The following MIDEAS variants were observed in gnomAD, a reference collection of about 807,000 sequenced individuals.
MIDEAS encodes the protein mitotic deacetylase associated SANT domain protein, also known as mitotic deacetylase-associated SANT domain protein.
A neutral mutation model predicts 102.7 loss-of-function variants in MIDEAS; 26 were observed. The observed-to-expected ratio is 0.25, with a 90% confidence interval of 0.19 to 0.35. MIDEAS has a LOEUF of 0.35. Among genes scored for constraint, MIDEAS ranks in the 10% least tolerant of loss-of-function variants. The probability of loss-of-function intolerance (pLI) is 1.00; values close to 1 mark genes in which losing one functional copy is unlikely to be tolerated. For missense variants in MIDEAS, 1,231 were observed against 1,435.6 expected, an observed-to-expected ratio of 0.86 and a Z score of 2.30; for synonymous variants, 585 against 591.0, an observed-to-expected ratio of 0.99 and a Z score of 0.15.
chr14:73,747,718 A>T (rs555608596), intron 1 of MIDEAS, among the ~76,000 whole-genome samples: 1 of 151,806 alleles, frequency 6.6e-6, no homozygotes, highest in Non-Finnish European at 1.5e-5. Flanking sequence ...GAAGAGCACG[A>T]TGGGGAATCT....
chr14:73,753,504 T>C (rs2140145051), intron 1 of MIDEAS, among the ~76,000 whole-genome samples: 1 of 152,326 alleles, frequency 6.6e-6, no homozygotes, highest in Middle Eastern at 3.4e-3. Flanking sequence ...TCAGTTATTG[T>C]GGGATTCAAT....
At chr14:73,779,376 CAG>C (rs2053724342) in intron 1 of MIDEAS, among the ~76,000 whole-genome samples, 1 of 119,748 alleles carries the variant, frequency 8.4e-6, no homozygotes, top group Non-Finnish European at 1.7e-5. Context: ...GCCTGGACGA[CAG>C]AGCACGATTC....
intron 3 of MIDEAS, 75 bp from the exon 4 acceptor site, chr14:73,730,060 C>A (rs1422660541): frequency 2.1e-6 from 3 of 1,445,876 alleles, no homozygotes; most frequent in Non-Finnish European, 2.9e-6. Flanking sequence ...CCACAGCTTG[C>A]CAGTCTCACC....
rs1292200256 is a variant in MIDEAS, at chr14:73,759,087, G to C, written c.-248+676C>G. Among the ~76,000 whole-genome samples the C allele has an allele frequency of 1.3e-5, 2 of 151,922 alleles. No homozygotes were observed. Among genetic ancestry groups the C allele is most frequent in the Non-Finnish European group, 2.9e-5 (2 of 67,936 alleles). On this transcript the variant is annotated intron_variant, in intron 1 of 12. Transcript: ENST00000423556. The surrounding 1 kb of genome is among the most constrained non-coding windows in gnomAD (Gnocchi z 6.7). The stretch of plus-strand genomic sequence containing the variant: ...GCGGCGCGGGCGTGCGGGGGCGCGC[G>C]GGAGGATGACAGGTCTGAGGTGCGC...
intron 10 of MIDEAS, among the ~76,000 whole-genome samples, chr14:73,721,809 A>T (rs2052999414): frequency 6.6e-6 from 1 of 152,158 alleles, no homozygotes; most frequent in Non-Finnish European, 1.5e-5. Context: ...ATCCTCGGCA[A>T]TGATGTGGTG....
At chr14:73,758,460 A>T (rs898833474) in intron 1 of MIDEAS, among the ~76,000 whole-genome samples, 4 of 152,204 alleles carry the variant, frequency 2.6e-5, no homozygotes, top group Non-Finnish European at 5.9e-5. Context: ...AGGAACAAGA[A>T]GATCCCAGAT....
chr14:73,744,743 C>A (rs75025690), intron 1 of MIDEAS, among the ~76,000 whole-genome samples: 3,208 of 152,272 alleles, frequency 0.021, 43 homozygotes, highest in African/African-American at 0.041. Context: ...GTGTTCTTCT[C>A]GCTTTGCTTC....
intron 3 of MIDEAS, chr14:73,730,222 A>G: frequency 1.4e-6 from 1 of 695,972 alleles, no homozygotes; most frequent in South Asian, 1.5e-5. Flanking sequence ...TTTGTGGGCC[A>G]CATGTGATCT....
At chr14:73,765,134 T>C (rs2053583547), upstream of MIDEAS, among the ~76,000 whole-genome samples, 1 of 152,262 alleles carries the variant, frequency 6.6e-6, no homozygotes, top group African/African-American at 2.4e-5. Context: ...CCTCACTGGC[T>C]GTTCACTGGA....
rs1483581782 is a variant in MIDEAS, at chr14:73,717,390, CAGAATCCAGGCCCCATAAACCAAACT to C, written c.*1427_*1452del. ...CATGCCAAATATGGCTTCTTCAAGCCAGAATCCAGGCCCCATAAACCAAACTAGAATTCTGGCCTCTTGCCAACTCT... is the reference window on the plus strand; with the variant it reads ...CATGCCAAATATGGCTTCTTCAAGCCAGAATTCTGGCCTCTTGCCAACTCT... On this transcript the variant is annotated 3_prime_UTR_variant, in exon 13 of 13. Transcript: ENST00000423556. 1 of 152,246 alleles carries C rather than the reference CAGAATCCAGGCCCCATAAACCAAACT, an allele frequency of 6.6e-6. No individual in the cohort carries two copies. The highest frequency in any genetic ancestry group is 2.4e-5 in the African/African-American group (1 of 41,464). The allele number at this position is 152,246 out of a possible 1,614,324, so 9.4% of individuals were successfully genotyped here. A position where few individuals can be genotyped will look rare whatever the true frequency, so the allele number is the denominator to read the frequency against.
intron 3 of MIDEAS, among the ~76,000 whole-genome samples, chr14:73,733,577 A>G (rs2053165311): frequency 6.6e-6 from 1 of 152,146 alleles, no homozygotes; most frequent in Non-Finnish European, 1.5e-5. Context: ...CAACAGAGTG[A>G]GACTCCATCT....
intron 1 of MIDEAS, among the ~76,000 whole-genome samples, chr14:73,772,794 AGTGTGTGT>A (rs61402555): frequency 1.8e-4 from 25 of 135,720 alleles, no homozygotes; most frequent in East Asian, 4.3e-4. Flanking sequence ...TTCAAGTTCT[AGTGTGTGT>A]GTGTGTGTGT....
chr14:73,742,586 G>A lies in MIDEAS; in HGVS notation c.-247-2331C>T, dbSNP rs1428601991. Among the ~76,000 whole-genome samples the A allele has an allele frequency of 6.6e-6, 1 of 152,226 alleles. No homozygotes were observed. Among genetic ancestry groups the A allele is most frequent in the Non-Finnish European group, 1.5e-5 (1 of 68,034 alleles). Reference sequence around the variant, plus strand: ...TCCCACTCCCACCCTGCACATCAAGGAGGGCCATCATTCAGGATACCACAG... The same window carrying A: ...TCCCACTCCCACCCTGCACATCAAGAAGGGCCATCATTCAGGATACCACAG... On this transcript the variant is annotated intron_variant, in intron 1 of 12. Transcript: ENST00000423556. The surrounding 1 kb of genome is among the most constrained non-coding windows in gnomAD (Gnocchi z 4.4).
intron 1 of MIDEAS, among the ~76,000 whole-genome samples, chr14:73,776,646 C>A (rs562584670): frequency 6.6e-6 from 1 of 152,074 alleles, no homozygotes; most frequent in Admixed American, 6.5e-5. Context: ...GAATGGGCTC[C>A]AAGCTCTATG....
chr14:73,746,781 C>G (rs1435132258), intron 1 of MIDEAS, among the ~76,000 whole-genome samples: 1 of 152,220 alleles, frequency 6.6e-6, no homozygotes, highest in Non-Finnish European at 1.5e-5. Context: ...ACTCCCCCAC[C>G]ACACACCCTC....
At chr14:73,764,339 C>CA (rs5809629), upstream of MIDEAS, among the ~76,000 whole-genome samples, 957 of 87,922 alleles carry the variant, frequency 0.011, 14 homozygotes, top group Non-Finnish European at 0.014. Context: ...GACCCTGTCT[C>CA]AAAAAAAAAA....
At chr14:73,735,547 A>G (rs2053190054) in intron 3 of MIDEAS, among the ~76,000 whole-genome samples, 1 of 152,230 alleles carries the variant, frequency 6.6e-6, no homozygotes, top group Non-Finnish European at 1.5e-5. Flanking sequence ...AACTGTATCA[A>G]TTCTCTAAAA....
At chr14:73,764,063 A>G (rs2053573803), upstream of MIDEAS, among the ~76,000 whole-genome samples, 1 of 152,122 alleles carries the variant, frequency 6.6e-6, no homozygotes, top group Admixed American at 6.5e-5. Flanking sequence ...TTCCAGCCCC[A>G]GCGTCATGGC....
Position 73,726,885 on chromosome 14 carries a change from G to A in MIDEAS, c.2250C>T (p.Asp750=), listed in dbSNP as rs116419696. The change falls in exon 6 of 13, where the codon GAC becomes GAT. Residue 750 remains aspartate, a synonymous_variant. Transcript: ENST00000423556. ...ALAAADPHKA[D]LVWQPWEDLE... ...GGTCCTCCCATGGCTGCCACACCAA[G>A]TCAGCCTTGTGGGGATCTGCAGCTG... The A allele has an allele frequency of 4.9e-4, 792 of 1,613,820 alleles. 5 individuals carry two copies. In the African/African-American group the frequency reaches 9.9e-3, roughly 20 times the overall value.
Sources: allele counts gnomAD v4.1 joint callset (sites outside exome capture counted in the v4.1 genomes callset), GRCh38; gene constraint gnomAD v4.1.1; non-coding constraint Gnocchi (gnomAD v3.1); transcripts MANE v1.5; gene names NCBI Gene and HGNC (gene_info 2026-07-23, HGNC 2026-07-21).